Variants in PDE10A observed in about 807,000 individuals in gnomAD.
PDE10A encodes phosphodiesterase 10A.
Under a neutral mutation model 97.7 loss-of-function variants are expected in PDE10A, and 39 were observed. That is an observed-to-expected ratio of 0.40 (90% CI 0.31 to 0.52). PDE10A has a LOEUF of 0.52. PDE10A is among the 20% of genes least tolerant of loss of function. PDE10A has a pLI of 0.56. For synonymous variants in PDE10A, 371 were observed against 376.8 expected, an observed-to-expected ratio of 0.98 and a Z score of 0.18; for missense variants, 731 against 1,047.8, an observed-to-expected ratio of 0.70 and a Z score of 4.17.
At chr6:165,977,767 T>C (rs913895355) in intron 1 of PDE10A, among the ~76,000 whole-genome samples, 18 of 152,234 alleles carry the variant, frequency 1.2e-4, no homozygotes, top group Non-Finnish European at 4.4e-5. Flanking sequence ...AATGAGGGTC[T>C]ATGTCCACTA....
intron 1 of PDE10A, among the ~76,000 whole-genome samples, chr6:165,657,308 A>AG (rs1464585735): frequency 2.0e-5 from 3 of 152,252 alleles, no homozygotes; most frequent in African/African-American, 7.2e-5. Flanking sequence ...GTCACTGTGG[A>AG]GTTTTCCTTT....
chr6:165,674,311 C>G (rs532831800), intron 1 of PDE10A, among the ~76,000 whole-genome samples: 1 of 148,324 alleles, frequency 6.7e-6, no homozygotes, highest in East Asian at 2.1e-4. Context: ...TGGCGTGCAG[C>G]AGGCACTCAG....
At chr6:165,877,807 C>T (rs1381836627) in intron 1 of PDE10A, among the ~76,000 whole-genome samples, 4 of 152,090 alleles carry the variant, frequency 2.6e-5, no homozygotes, top group East Asian at 1.9e-4. Context: ...CTGAGCTAAA[C>T]GCTTTATATC....
At chr6:165,648,168 A>G (rs1375391381) in intron 1 of PDE10A, among the ~76,000 whole-genome samples, 1 of 151,786 alleles carries the variant, frequency 6.6e-6, no homozygotes, top group African/African-American at 2.4e-5. Context: ...GCCCACCACC[A>G]CGCCCAGCTA....
chr6:165,483,454 G>A (rs1234626502), intron 2 of PDE10A, among the ~76,000 whole-genome samples: 1 of 152,082 alleles, frequency 6.6e-6, no homozygotes, highest in Non-Finnish European at 1.5e-5. Flanking sequence ...AATTGTCATA[G>A]GGAAAATATC....
intron 2 of PDE10A, among the ~76,000 whole-genome samples, chr6:165,505,963 A>C (rs1781167213): frequency 6.6e-6 from 1 of 152,182 alleles, no homozygotes; most frequent in Non-Finnish European, 1.5e-5. Context: ...CCAAATATAT[A>C]GTGAAAAAAA....
chr6:165,943,240 AAGGAAGGAAG>A (rs1783621094), intron 1 of PDE10A, among the ~76,000 whole-genome samples: 1 of 65,772 alleles, frequency 1.5e-5, no homozygotes, highest in African/African-American at 7.8e-5. Context: ...AGAAAGAAGG[AAGGAAGGAAG>A]GAAGGAAGGA....
intron 13 of PDE10A, among the ~76,000 whole-genome samples, chr6:165,400,928 A>T (rs1161464507): frequency 6.6e-6 from 1 of 152,206 alleles, no homozygotes; most frequent in African/African-American, 2.4e-5. Flanking sequence ...GAATCACAAA[A>T]TTATGTTAAG....
intron 1 of PDE10A, among the ~76,000 whole-genome samples, chr6:165,631,808 T>A (rs1271203198): frequency 1.3e-5 from 2 of 152,118 alleles, no homozygotes; most frequent in Non-Finnish European, 2.9e-5. Flanking sequence ...TTAACAGAAA[T>A]ACTCTTAAAC....
intron 1 of PDE10A, among the ~76,000 whole-genome samples, chr6:165,740,532 A>C (rs544110824): frequency 3.9e-5 from 6 of 152,168 alleles, no homozygotes; most frequent in African/African-American, 1.4e-4. Context: ...ACGGGTTTTC[A>C]CTGTGTTAGC....
At chr6:165,877,463 G>T (rs1781371399) in intron 1 of PDE10A, among the ~76,000 whole-genome samples, 1 of 152,180 alleles carries the variant, frequency 6.6e-6, no homozygotes, top group Non-Finnish European at 1.5e-5. Flanking sequence ...AGGTCAGCCT[G>T]CCCCATTCAG....
At chr6:165,382,946 G>T (rs576182616) in intron 17 of PDE10A, among the ~76,000 whole-genome samples, 1 of 152,240 alleles carries the variant, frequency 6.6e-6, no homozygotes, top group African/African-American at 2.4e-5. Context: ...AGGTAGTGTT[G>T]AATATAAGTA....
chr6:165,496,918 C>T (rs780151464), intron 2 of PDE10A, among the ~76,000 whole-genome samples: 1 of 152,034 alleles, frequency 6.6e-6, no homozygotes, highest in Admixed American at 6.6e-5. Context: ...AAAAGCTAAG[C>T]GTTTGTGGAA....
intron 1 of PDE10A, among the ~76,000 whole-genome samples, chr6:165,734,656 G>A (rs576646094): frequency 6.6e-6 from 1 of 152,172 alleles, no homozygotes; most frequent in South Asian, 2.1e-4. Flanking sequence ...TGGGAAGGTG[G>A]GACTGAGGCG....
chr6:165,412,996 A>G (rs1787997702), intron 13 of PDE10A, among the ~76,000 whole-genome samples: 1 of 152,206 alleles, frequency 6.6e-6, no homozygotes. Flanking sequence ...TTTACCCTTC[A>G]GTGAACACGG....
rs1785445055 is a variant in PDE10A at position 165,388,313 on chromosome 6, A to G, written c.2595T>C (p.Thr865=). 3 of 1,613,926 alleles carry G rather than the reference A, an allele frequency of 1.9e-6. No individual in the cohort carries two copies. Among genetic ancestry groups the G allele is most frequent in the Admixed American group, 1.7e-5 (1 of 60,000 alleles). Residue 865 remains threonine (T), a synonymous_variant, in exon 17 of 22, where the codon ACT becomes ACC. Transcript: ENST00000539869. This position sits in a 1 kb window ranked among gnomAD's most constrained non-coding sequence, Gnocchi z 4.0. The part of the protein sequence containing the change: ...STMEQHHFSQ[T]VSILQLEGHN... ...AGTGACTCACCTGGAGGATGGACAC[A>G]GTCTGGGAGAAGTGGTGCTGCTCCA...
At chr6:165,431,341 C>T in intron 8 of PDE10A, 81 bp downstream of exon 8, 1 of 800,032 alleles carries the variant, frequency 1.2e-6, no homozygotes, top group South Asian at 2.1e-5. Flanking sequence ...GTGACTTAAC[C>T]TCTATTCCGG....
chr6:165,923,156 G>C (rs150003437), intron 1 of PDE10A, among the ~76,000 whole-genome samples: 2 of 152,122 alleles, frequency 1.3e-5, no homozygotes, highest in Non-Finnish European at 1.5e-5. Context: ...AATGGCCTTC[G>C]CTCCTAATTA....
intron 8 of PDE10A, among the ~76,000 whole-genome samples, chr6:165,431,178 A>G (rs990000764): frequency 2.0e-5 from 3 of 151,670 alleles, no homozygotes; most frequent in African/African-American, 7.2e-5. Context: ...CATTAATTAT[A>G]TATGTATTTA....
Sources: gnomAD v4.1 joint callset for allele counts (sites outside exome capture counted in the v4.1 genomes callset) on GRCh38, gnomAD v4.1.1 for gene constraint, Gnocchi (gnomAD v3.1) non-coding constraint, MANE v1.5 for transcripts, NCBI Gene and HGNC (gene_info 2026-07-23, HGNC 2026-07-21) for gene names.